The following INTS7 variants were observed in gnomAD, a reference collection of about 807,000 sequenced individuals.
INTS7 encodes integrator complex subunit 7, also known as chromosome 1 open reading frame 73.
INTS7 carries 46 observed loss-of-function variants against 109.2 expected under a neutral mutation model. The ratio of observed to expected loss-of-function variants is 0.42; its 90% CI spans 0.33 to 0.54. The LOEUF (loss-of-function observed/expected upper bound fraction) is 0.54, where lower values mean the gene tolerates loss of function less well. Ranked by LOEUF, INTS7 falls within the 20% of genes least tolerant of loss-of-function variation. The probability of loss-of-function intolerance (pLI) is 0.07; values close to 1 mark genes in which losing one functional copy is unlikely to be tolerated. For missense variants in INTS7, 929 were observed against 1,132.4 expected (o/e 0.82, Z 2.58); for synonymous variants, 412 against 402.9 (o/e 1.02, Z -0.27).
intron 7 of INTS7, among the ~76,000 whole-genome samples, chr1:211,998,207 C>T (rs1381219950): frequency 6.6e-6 from 1 of 152,176 alleles, no homozygotes; most frequent in Non-Finnish European, 1.5e-5. Context: ...TCAAGTGATC[C>T]TCTCACCTTG....
At chr1:211,981,737 AC>A (rs563305175) in intron 9 of INTS7, among the ~76,000 whole-genome samples, 17 of 152,180 alleles carry the variant, frequency 1.1e-4, no homozygotes, top group Non-Finnish European at 2.1e-4. Context: ...TCTTTTCACT[AC>A]CATAGGGTTA....
chr1:211,997,316 G>A lies in INTS7; in HGVS notation c.880-9313C>T, dbSNP rs545777527. Among the ~76,000 whole-genome samples, 5 of 151,650 alleles carry A rather than the reference G, an allele frequency of 3.3e-5. No homozygotes were observed. In the South Asian group the frequency reaches 1.0e-3, roughly 32 times the overall value. ...TCCTAGCACTTTGAGAGGCTGACGT[G>A]GGCAAATCATTTGAGACCCGGAGCT... On this transcript the variant is annotated intron_variant, in intron 7 of 19. Coordinates refer to ENST00000366994, the MANE Select transcript of INTS7 (RefSeq NM_015434.4).
intron 17 of INTS7, among the ~76,000 whole-genome samples, chr1:211,947,004 ATAT>A (rs1465245860): frequency 6.6e-6 from 1 of 152,266 alleles, no homozygotes; most frequent in Non-Finnish European, 1.5e-5. Flanking sequence ...AACTATCAGT[ATAT>A]TATTAAACAA....
intron 16 of INTS7, among the ~76,000 whole-genome samples, chr1:211,953,082 T>C (rs920315470): frequency 5.3e-5 from 8 of 152,170 alleles, no homozygotes; most frequent in African/African-American, 1.9e-4. Context: ...GTTAGATATA[T>C]AAATAACAGG....
intron 1 of INTS7, among the ~76,000 whole-genome samples, chr1:212,026,722 G>A (rs1430533018): frequency 6.6e-6 from 1 of 152,190 alleles, no homozygotes; most frequent in Non-Finnish European, 1.5e-5. Flanking sequence ...AAAATCCACA[G>A]TAATTGGATT....
At chr1:211,963,955 C>A (rs769455546) in intron 16 of INTS7, among the ~76,000 whole-genome samples, 1 of 152,156 alleles carries the variant, frequency 6.6e-6, no homozygotes, top group Admixed American at 6.5e-5. Flanking sequence ...CTCTCTCTCA[C>A]CACTCCTATT....
chr1:211,968,620 T>A lies in INTS7; in HGVS notation c.1903A>T (p.Ile635Phe). Residue 635 changes from isoleucine (I) to phenylalanine (F), a missense_variant, in exon 14 of 20, where the codon ATC becomes TTC. Ile to Phe is a conservative substitution (Grantham distance 21). Transcript: ENST00000366994. ...IDLLQAFSQL[I>F]CTCNSLKTSP... ...GTCTTCAGGCTATTACAAGTACAGA[T>A]AAGTTGAGAGAAGGCTTGTAAAAGG... 1 of 1,612,974 alleles carries A rather than the reference T, an allele frequency of 6.2e-7. No individual in the cohort carries two copies. The highest frequency in any genetic ancestry group is 1.1e-5 in the South Asian group (1 of 91,060).
At chr1:211,948,724 T>C (rs1264461064) in intron 17 of INTS7, among the ~76,000 whole-genome samples, 3 of 151,876 alleles carry the variant, frequency 2.0e-5, no homozygotes, top group African/African-American at 4.9e-5. Context: ...GTTTTGTTTT[T>C]TGAGACGGAG....
intron 16 of INTS7, among the ~76,000 whole-genome samples, chr1:211,962,979 A>C (rs933120753): frequency 6.6e-6 from 1 of 152,214 alleles, no homozygotes; most frequent in Non-Finnish European, 1.5e-5. Context: ...AATGAAGAGC[A>C]AATCAACCCC....
intron 4 of INTS7, 116 bp from the exon 5 acceptor site, chr1:212,011,537 C>T (rs760875499): frequency 1.5e-6 from 1 of 680,884 alleles, no homozygotes; most frequent in Non-Finnish European, 2.6e-6. Flanking sequence ...CAAACTGCAA[C>T]TAATATTCCA....
rs17851788 is a variant in INTS7 at position 211,978,468 on chromosome 1, T to C, written c.1274A>G (p.His425Arg). ...GGTCTCAACTACTGACTGGCTAAGA[T>C]GGGGCCTGCCCTTGGCCAACTTCAC... The part of the protein sequence containing the change: ...CMVKLAKGRP[H>R]LSQSVVETLL... Residue 425 changes from histidine (H) to arginine (R), a missense_variant, in exon 11 of 20, where the codon CAT (histidine) becomes CGT (arginine). Physicochemically the swap from His to Arg is conservative, Grantham distance 29. Coordinates refer to ENST00000366994, the MANE Select transcript of INTS7 (RefSeq NM_015434.4). 1.9e-6 allele frequency: 3 copies of C among 1,614,054 alleles called. No homozygotes were observed. Among genetic ancestry groups the C allele is most frequent in the African/African-American group, 1.3e-5 (1 of 74,938 alleles).
chr1:211,985,584 T>C (rs1282059254), intron 8 of INTS7, among the ~76,000 whole-genome samples: 1 of 152,206 alleles, frequency 6.6e-6, no homozygotes, highest in Admixed American at 6.5e-5. Flanking sequence ...TGCTAATACA[T>C]GTCTTTGGAA....
chr1:212,007,450 C>T lies in INTS7; in HGVS notation c.557-1G>A. The stretch of plus-strand genomic sequence containing the variant: ...TTCAAGTCTACTGGTGTCGCTAAAC[C>T]TAGACACAAAAATAATTCTCAAGGT... On this transcript the variant is annotated splice_acceptor_variant, in intron 5 of 19. Coordinates refer to ENST00000366994, the MANE Select transcript of INTS7 (RefSeq NM_015434.4). LOFTEE classifies it high-confidence loss of function. The T allele has an allele frequency of 2.5e-6, 4 of 1,605,902 alleles. No individual in the cohort carries two copies. The highest frequency in any genetic ancestry group is 2.6e-6 in the Non-Finnish European group (3 of 1,172,572).
chr1:212,012,137 C>T (rs1666189209), intron 4 of INTS7, among the ~76,000 whole-genome samples: 1 of 152,090 alleles, frequency 6.6e-6, no homozygotes, highest in Admixed American at 6.5e-5. Flanking sequence ...CCACAGTTGC[C>T]ACTAGGGGAC....
intron 16 of INTS7, among the ~76,000 whole-genome samples, chr1:211,958,610 C>T (rs78959853): frequency 0.026 from 3,931 of 152,062 alleles, 57 homozygotes; most frequent in African/African-American, 0.045. Context: ...TTTTTCTGTT[C>T]CCCCTTTCCC....
chr1:212,000,167 A>C (rs769402140), intron 7 of INTS7, among the ~76,000 whole-genome samples: 1 of 152,118 alleles, frequency 6.6e-6, no homozygotes, highest in South Asian at 2.1e-4. Flanking sequence ...CAAATGTACA[A>C]GATAAAAAAA....
chr1:211,945,567 A>T (rs1269017042), intron 18 of INTS7, among the ~76,000 whole-genome samples: 4 of 152,220 alleles, frequency 2.6e-5, no homozygotes, highest in Admixed American at 1.3e-4. Flanking sequence ...CTTTTTGATA[A>T]TGTTGTTGAA....
At position 211,942,148 on chromosome 1, in the gene INTS7, A is replaced by G; in HGVS notation, c.2602-37T>C. 1 of 1,599,408 alleles carries G rather than the reference A, an allele frequency of 6.3e-7. No homozygotes were observed. The stretch of plus-strand genomic sequence containing the variant: ...CAATTGTTAACTAACAACAATGGCT[A>G]ACATTTCTTCAGTGCTTACTATGAG... On this transcript the variant is annotated intron_variant, in intron 19 of 19. Coordinates refer to ENST00000366994, the MANE Select transcript of INTS7 (RefSeq NM_015434.4). The surrounding 1 kb of genome is among the most constrained non-coding windows in gnomAD (Gnocchi z 4.2).
In INTS7 at chr1:211,946,633, G is replaced by A. The variant is rs1469099812; in HGVS notation, c.2389C>T (p.Gln797Ter). ...VPLSFQRYFF[Q>*]KLQSTSIKLA... ...TTGATGCTGGTAGACTGTAGTTTCTGGAAAAAATATCTCTGGAAAGAAAGG... is the reference window on the plus strand; with the variant it reads ...TTGATGCTGGTAGACTGTAGTTTCTAGAAAAAATATCTCTGGAAAGAAAGG... Residue 797 changes from glutamine (Q) to a stop codon, truncating the protein, a stop_gained, in exon 18 of 20, where the codon CAG becomes TAG. Coordinates refer to ENST00000366994, the MANE Select transcript of INTS7 (RefSeq NM_015434.4). LOFTEE classifies it high-confidence loss of function. The surrounding 1 kb of genome is among the most constrained non-coding windows in gnomAD (Gnocchi z 4.3). 1.2e-6 allele frequency: 2 copies of A among 1,611,346 alleles called. No homozygotes were observed. The highest frequency in any genetic ancestry group is 1.7e-6 in the Non-Finnish European group (2 of 1,177,724).
Sources: allele counts gnomAD v4.1 joint callset (sites outside exome capture counted in the v4.1 genomes callset), GRCh38; gene constraint gnomAD v4.1.1; non-coding constraint Gnocchi (gnomAD v3.1); transcripts MANE v1.5; gene names NCBI Gene and HGNC (gene_info 2026-07-23, HGNC 2026-07-21).